The following TNIK variants were observed in gnomAD, a reference collection of about 807,000 sequenced individuals.
TNIK encodes TRAF2 and NCK-interacting protein kinase.
In TNIK, 49 loss-of-function variants were observed where a neutral mutation model predicts 191.3. The observed-to-expected ratio is 0.26, with a 90% CI of 0.20 to 0.32. The LOEUF (loss-of-function observed/expected upper bound fraction) is 0.32, where lower values mean the gene tolerates loss of function less well. Among genes scored for constraint, TNIK ranks in the 10% least tolerant of loss-of-function variants. The pLI is 1.00. For synonymous variants in TNIK, 594 were observed against 600.9 expected (o/e 0.99, Z 0.17); for missense variants, 1,155 against 1,702.3 (o/e 0.68, Z 5.66).
intron 22 of TNIK, among the ~76,000 whole-genome samples, chr3:171,099,023 A>G (rs1035277040): frequency 6.6e-6 from 1 of 152,130 alleles, no homozygotes; most frequent in African/African-American, 2.4e-5. Flanking sequence ...AAGTTTACCA[A>G]TCCCTTAAGA....
intron 2 of TNIK, among the ~76,000 whole-genome samples, chr3:171,278,115 A>T (rs1749983906): frequency 6.6e-6 from 1 of 152,198 alleles, no homozygotes; most frequent in Non-Finnish European, 1.5e-5. Flanking sequence ...CGAACATGAC[A>T]TGCCTCGAGA....
At chr3:171,342,863 G>A (rs1711516601) in intron 2 of TNIK, among the ~76,000 whole-genome samples, 1 of 152,034 alleles carries the variant, frequency 6.6e-6, no homozygotes, top group Admixed American at 6.6e-5. Context: ...CTGAATCATG[G>A]GTGTTGGTTT....
At chr3:171,191,308 C>G (rs890053404) in intron 5 of TNIK, among the ~76,000 whole-genome samples, 13 of 152,288 alleles carry the variant, frequency 8.5e-5, no homozygotes, top group African/African-American at 3.1e-4. Flanking sequence ...AGTGCAATGG[C>G]GTGGTCTGGG....
At chr3:171,102,680 CAG>C (rs1560111753) in intron 21 of TNIK, among the ~76,000 whole-genome samples, 1 of 152,142 alleles carries the variant, frequency 6.6e-6, no homozygotes, top group African/African-American at 2.4e-5. Context: ...CAGTGAGAGA[CAG>C]GGGATTAGGG....
intron 4 of TNIK, among the ~76,000 whole-genome samples, chr3:171,201,716 A>G (rs1577105464): frequency 6.6e-6 from 1 of 152,232 alleles, no homozygotes; most frequent in East Asian, 1.9e-4. Context: ...TATCATTTCA[A>G]TCAATTGAAG....
chr3:171,459,798 G>C (rs1259360786), intron 1 of TNIK, among the ~76,000 whole-genome samples: 4 of 152,062 alleles, frequency 2.6e-5, no homozygotes, highest in Non-Finnish European at 5.9e-5. Context: ...GCCACGGCCA[G>C]AGGAAGACAC....
intron 15 of TNIK, among the ~76,000 whole-genome samples, chr3:171,137,007 G>C: frequency 6.7e-6 from 1 of 148,692 alleles, no homozygotes; most frequent in Middle Eastern, 3.4e-3. Context: ...CACACACTTA[G>C]TTTAACTTTT....
intron 1 of TNIK, among the ~76,000 whole-genome samples, chr3:171,375,103 T>C (rs767867084): frequency 3.9e-5 from 6 of 152,216 alleles, no homozygotes; most frequent in Admixed American, 1.3e-4. Flanking sequence ...CAGAACTGCA[T>C]TGAACCTCAG....
intron 1 of TNIK, among the ~76,000 whole-genome samples, chr3:171,378,267 G>A (rs980007222): frequency 4.6e-5 from 7 of 152,126 alleles, no homozygotes; most frequent in Non-Finnish European, 1.0e-4. Flanking sequence ...AGGCGGTATA[G>A]CATAATAGTG....
intron 3 of TNIK, among the ~76,000 whole-genome samples, chr3:171,223,152 G>A (rs1235509495): frequency 1.3e-5 from 2 of 152,082 alleles, no homozygotes; most frequent in South Asian, 2.1e-4. Context: ...ACTAAGCTAT[G>A]TGCAGTTTCC....
chr3:171,384,081 A>G (rs988477029), intron 1 of TNIK, among the ~76,000 whole-genome samples: 1 of 152,176 alleles, frequency 6.6e-6, no homozygotes, highest in African/African-American at 2.4e-5. Flanking sequence ...TTGCTATCCA[A>G]AAAGTCCTTT....
At chr3:171,179,395 G>T (rs1274776468) in intron 7 of TNIK, among the ~76,000 whole-genome samples, 1 of 152,104 alleles carries the variant, frequency 6.6e-6, no homozygotes, top group African/African-American at 2.4e-5. Context: ...TTACAAGTTG[G>T]CTCAGGAGCA....
chr3:171,152,916 C>T (rs979560412), intron 12 of TNIK, among the ~76,000 whole-genome samples: 34 of 151,832 alleles, frequency 2.2e-4, no homozygotes, highest in East Asian at 3.9e-4. Context: ...GGACTACAGG[C>T]GCCTGCCACC....
intron 1 of TNIK, among the ~76,000 whole-genome samples, chr3:171,427,689 G>A (rs185147122): frequency 7.9e-5 from 12 of 152,226 alleles, no homozygotes; most frequent in African/African-American, 1.9e-4. Flanking sequence ...TTTCTAAAAG[G>A]CGTTTTAGCC....
intron 2 of TNIK, among the ~76,000 whole-genome samples, chr3:171,238,074 C>T (rs1438340012): frequency 6.6e-6 from 1 of 152,174 alleles, no homozygotes; most frequent in African/African-American, 2.4e-5. Flanking sequence ...CAGATGTCTT[C>T]TGTGTCAGCA....
At chr3:171,276,855 T>C (rs944988612) in intron 2 of TNIK, among the ~76,000 whole-genome samples, 2 of 152,166 alleles carry the variant, frequency 1.3e-5, no homozygotes, top group African/African-American at 4.8e-5. Flanking sequence ...AAAAACAAAT[T>C]ATATCATGTG....
intron 2 of TNIK, among the ~76,000 whole-genome samples, chr3:171,239,423 CA>C (rs1471626646): frequency 6.6e-6 from 1 of 152,166 alleles, no homozygotes; most frequent in Non-Finnish European, 1.5e-5. Flanking sequence ...AATAAATGAG[CA>C]GCATTATTCT....
chr3:171,432,519 A>G (rs1725506694), intron 1 of TNIK, among the ~76,000 whole-genome samples: 1 of 152,208 alleles, frequency 6.6e-6, no homozygotes, highest in Non-Finnish European at 1.5e-5. Flanking sequence ...ATTTTCCCAA[A>G]CTCATAGCAC....
chr3:171,097,505 G>A (rs187644378), intron 22 of TNIK, among the ~76,000 whole-genome samples: 39 of 152,270 alleles, frequency 2.6e-4, no homozygotes, highest in African/African-American at 6.5e-4. Flanking sequence ...GGAGTGACCC[G>A]GTGGGAGGTA....
Sources: gnomAD v4.1 joint callset for allele counts (sites outside exome capture counted in the v4.1 genomes callset) on GRCh38, gnomAD v4.1.1 for gene constraint, MANE v1.5 for transcripts, NCBI Gene and HGNC (gene_info 2026-07-23, HGNC 2026-07-21) for gene names.